RANBP2: variants seen among roughly 807,000 people sequenced by gnomAD.
The protein encoded by RANBP2 is RAN binding protein 2.
Under a neutral mutation model 303.6 loss-of-function variants are expected in RANBP2, and 57 were observed. The ratio of observed to expected loss-of-function variants is 0.19; its 90% CI spans 0.15 to 0.23. RANBP2 has a LOEUF of 0.23. RANBP2 is among the 10% of genes least tolerant of loss of function. The pLI is 1.00. For missense variants in RANBP2, 3,138 were observed against 3,780.8 expected (o/e 0.83, Z 4.46); for synonymous variants, 1,167 against 1,301.5 (o/e 0.90, Z 2.23).
At chr2:109,153,555 C>T in the RANBP2 span, among the ~76,000 whole-genome samples, 89 of 152,306 alleles carry the variant, frequency 5.8e-4, no homozygotes, top group African/African-American at 1.7e-3. Flanking sequence ...GCCTTATCAC[C>T]GGGTCACCTG....
chr2:108,921,074 C>G, the RANBP2 span, among the ~76,000 whole-genome samples: 1 of 152,208 alleles, frequency 6.6e-6, no homozygotes, highest in Admixed American at 6.5e-5. Flanking sequence ...TCATAAGAAA[C>G]CCCCAGGGTG....
At chr2:109,207,623 T>C in the RANBP2 span, among the ~76,000 whole-genome samples, 78 of 152,298 alleles carry the variant, frequency 5.1e-4, 2 homozygotes, top group African/African-American at 1.5e-3. Context: ...AGCCCTAAGA[T>C]TGTTTCCAGG....
At chr2:109,239,566 C>T in the RANBP2 span, among the ~76,000 whole-genome samples, 1 of 152,192 alleles carries the variant, frequency 6.6e-6, no homozygotes, top group Admixed American at 6.5e-5. Flanking sequence ...GGTTAGTGGG[C>T]AGACACCATT....
the RANBP2 span, among the ~76,000 whole-genome samples, chr2:109,442,231 A>G: frequency 6.6e-6 from 1 of 151,924 alleles, no homozygotes; most frequent in Admixed American, 6.6e-5. Flanking sequence ...GAATGACATG[A>G]ACCTGGGAGG....
chr2:108,762,709 G>C (rs1199020238), intron 19 of RANBP2, among the ~76,000 whole-genome samples: 2 of 147,694 alleles, frequency 1.4e-5, no homozygotes, highest in African/African-American at 2.5e-5. Context: ...TAATTCATAG[G>C]GTTTTTGAGG....
the RANBP2 span, among the ~76,000 whole-genome samples, chr2:109,189,989 C>T: frequency 2.0e-5 from 3 of 152,176 alleles, no homozygotes; most frequent in East Asian, 5.8e-4. Context: ...AACAGATCTG[C>T]TCGTGGTTTA....
At chr2:109,513,587 CACAA>C in the RANBP2 span, among the ~76,000 whole-genome samples, 446 of 152,304 alleles carry the variant, frequency 2.9e-3, no homozygotes, top group African/African-American at 8.3e-3. Flanking sequence ...CACGTGCATG[CACAA>C]ACACACGTCC....
chr2:108,806,706 G>C, the RANBP2 span, among the ~76,000 whole-genome samples: 5 of 152,232 alleles, frequency 3.3e-5, no homozygotes, highest in African/African-American at 1.2e-4. Flanking sequence ...CTCCTGGCTA[G>C]ATGAATAACA....
chr2:109,730,665 G>A, the RANBP2 span, among the ~76,000 whole-genome samples: 1 of 151,856 alleles, frequency 6.6e-6, no homozygotes, highest in African/African-American at 2.4e-5. Context: ...AGATCAAGAT[G>A]CCAGCATGGT....
At chr2:109,552,740 A>C in the RANBP2 span, 1 of 204,570 alleles carries the variant, frequency 4.9e-6, no homozygotes, top group Non-Finnish European at 9.8e-6. Context: ...AGACTGGTTG[A>C]ATGAGGCACC....
the RANBP2 span, among the ~76,000 whole-genome samples, chr2:109,415,442 G>A: frequency 6.6e-6 from 1 of 152,204 alleles, no homozygotes; most frequent in Non-Finnish European, 1.5e-5. Context: ...ACTCTGCACA[G>A]GGCGAGTGCT....
At chr2:109,524,734 G>C in the RANBP2 span, among the ~76,000 whole-genome samples, 1 of 151,640 alleles carries the variant, frequency 6.6e-6, no homozygotes, top group African/African-American at 2.4e-5. Flanking sequence ...GACAGAGAAA[G>C]ACTCCATCTC....
the RANBP2 span, among the ~76,000 whole-genome samples, chr2:109,315,574 A>T: frequency 3.9e-5 from 6 of 152,222 alleles, no homozygotes; most frequent in South Asian, 2.1e-4. Flanking sequence ...CCTGTTGTGC[A>T]CTGTCTGTGC....
chr2:109,485,024 C>T, the RANBP2 span, among the ~76,000 whole-genome samples: 551 of 152,336 alleles, frequency 3.6e-3, 5 homozygotes, highest in African/African-American at 0.013. Context: ...GAAAATAGTA[C>T]GTAACCCATC....
the RANBP2 span, among the ~76,000 whole-genome samples, chr2:109,205,456 G>C: frequency 6.9e-4 from 105 of 151,944 alleles, no homozygotes; most frequent in African/African-American, 2.4e-3. Flanking sequence ...CACCATGTTG[G>C]CCAGGCTGGT....
At chr2:109,025,797 C>T in the RANBP2 span, among the ~76,000 whole-genome samples, 97 of 134,750 alleles carry the variant, frequency 7.2e-4, no homozygotes, top group East Asian at 4.5e-3. Context: ...GACTCCGTCT[C>T]GAAAAAAAAA....
the RANBP2 span, among the ~76,000 whole-genome samples, chr2:109,012,867 CCAG>C: frequency 3.5e-4 from 54 of 152,214 alleles, no homozygotes; most frequent in Middle Eastern, 3.4e-3. Flanking sequence ...TGAGCAGAGA[CCAG>C]GCCACTGCAC....
chr2:108,866,365 C>T, the RANBP2 span, among the ~76,000 whole-genome samples: 1 of 152,196 alleles, frequency 6.6e-6, no homozygotes, highest in Non-Finnish European at 1.5e-5. Flanking sequence ...TATAAGCTAA[C>T]ATTCACAGGT....
At chr2:109,642,740 G>A in the RANBP2 span, among the ~76,000 whole-genome samples, 1 of 152,170 alleles carries the variant, frequency 6.6e-6, no homozygotes, top group Non-Finnish European at 1.5e-5. Context: ...TACCACAGAA[G>A]GGAAAATTTT....
Sources: gnomAD v4.1 joint callset for allele counts (sites outside exome capture counted in the v4.1 genomes callset) on GRCh38, gnomAD v4.1.1 for gene constraint, MANE v1.5 for transcripts, NCBI Gene and HGNC (gene_info 2026-07-23, HGNC 2026-07-21) for gene names.